The following LNX1 variants were observed in gnomAD, a reference collection of about 807,000 sequenced individuals.
LNX1 encodes E3 ubiquitin-protein ligase LNX.
In LNX1, 54 loss-of-function variants were observed where a neutral mutation model predicts 68.4. That is an observed-to-expected ratio of 0.79 (90% CI 0.63 to 0.99). The LOEUF is 0.99. Among genes scored for constraint, LNX1 ranks in the 50% least tolerant of loss-of-function variants. LNX1 has a pLI of 0.00. For missense variants in LNX1, 906 were observed against 926.4 expected (o/e 0.98, Z 0.29); for synonymous variants, 336 against 350.0 (o/e 0.96, Z 0.45).
intron 1 of LNX1, among the ~76,000 whole-genome samples, chr4:53,623,211 T>TTC (rs1733949679): frequency 1.3e-5 from 2 of 151,020 alleles, no homozygotes; most frequent in Non-Finnish European, 3.0e-5. Context: ...CAATTCTTTT[T>TTC]TTTTTTTTTT....
At chr4:53,641,971 A>G (rs1262288663) in intron 1 of LNX1, among the ~76,000 whole-genome samples, 2 of 152,118 alleles carry the variant, frequency 1.3e-5, no homozygotes, top group African/African-American at 2.4e-5. Flanking sequence ...ATTACCAAGA[A>G]ACCTGCCATG....
At chr4:53,534,474 AAAGAAAAAAT>A (rs1330221192) in intron 2 of LNX1, among the ~76,000 whole-genome samples, 2 of 152,228 alleles carry the variant, frequency 1.3e-5, no homozygotes, top group Middle Eastern at 3.4e-3. Context: ...TTGTCTCTAA[AAAGAAAAAAT>A]AAGAAAAAAT....
chr4:53,459,535 T>C lies in LNX1; in HGVS notation c.*1372A>G. On this transcript the variant is annotated 3_prime_UTR_variant, in exon 11 of 11. Transcript: ENST00000263925. ...TTTTCTGGATAATGTTTAAGAAATT[T>C]ACCTTAAATCTTGTTCTGTTTGTTA... The C allele has an allele frequency of 1.3e-6, 2 of 1,572,174 alleles. No homozygotes were observed. The highest frequency in any genetic ancestry group is 1.7e-6 in the Non-Finnish European group (2 of 1,146,716).
rs142810080 is a variant in LNX1 at position 53,585,998 on chromosome 4, A to G, written c.-87+5390T>C. On this transcript the variant is annotated intron_variant, in intron 1 of 10. Transcript: ENST00000263925. ...GAAATAGGGAAAAATATTTGGAGAC[A>G]GCAGCCACATAGATTGCTACATATT... Among the ~76,000 whole-genome samples the G allele has an allele frequency of 4.2e-3, 644 of 152,314 alleles. 5 individuals are homozygous for G. The highest frequency in any genetic ancestry group is 0.011 in the African/African-American group (472 of 41,564).
chr4:53,524,878 C>A (rs773954259), intron 2 of LNX1, among the ~76,000 whole-genome samples: 22 of 152,332 alleles, frequency 1.4e-4, no homozygotes, highest in South Asian at 8.3e-4. Flanking sequence ...AAAGCTCTGT[C>A]TGCTTGCCCA....
chr4:53,617,754 T>C (rs1733732992), upstream of LNX1, among the ~76,000 whole-genome samples: 1 of 152,234 alleles, frequency 6.6e-6, no homozygotes, highest in African/African-American at 2.4e-5. Context: ...AGAGATGTTA[T>C]TGACTAAACC....
chr4:53,486,851 C>T (rs1426696935), intron 6 of LNX1, among the ~76,000 whole-genome samples: 1 of 152,144 alleles, frequency 6.6e-6, no homozygotes, highest in Non-Finnish European at 1.5e-5. Flanking sequence ...CACTGGAGCA[C>T]ATGGCATCTT....
intron 2 of LNX1, among the ~76,000 whole-genome samples, chr4:53,520,203 C>T (rs555420196): frequency 6.6e-6 from 1 of 152,292 alleles, no homozygotes; most frequent in African/African-American, 2.4e-5. Flanking sequence ...CACAGCAACC[C>T]CTGCGGGTCC....
At chr4:53,629,679 C>T (rs1322263384) in intron 1 of LNX1, among the ~76,000 whole-genome samples, 2 of 152,134 alleles carry the variant, frequency 1.3e-5, no homozygotes, top group African/African-American at 2.4e-5. Flanking sequence ...GGAAAAAAGA[C>T]ACTCCTGCTC....
intron 2 of LNX1, among the ~76,000 whole-genome samples, chr4:53,556,352 C>G (rs1376538447): frequency 6.6e-6 from 1 of 152,170 alleles, no homozygotes; most frequent in Admixed American, 6.5e-5. Flanking sequence ...TTGCTGACAC[C>G]TTGATTCCAA....
intron 2 of LNX1, among the ~76,000 whole-genome samples, chr4:53,608,548 G>T (rs1180323507): frequency 6.6e-6 from 1 of 152,188 alleles, no homozygotes; most frequent in Non-Finnish European, 1.5e-5. Context: ...GTGGAAAGCA[G>T]TGTGGAGATT....
At chr4:53,574,141 T>C in intron 1 of LNX1, 53 bp from the exon 2 acceptor site, 3 of 1,304,346 alleles carry the variant, frequency 2.3e-6, no homozygotes, top group Non-Finnish European at 3.1e-6. Context: ...GAAAGGCTTA[T>C]GCTTATGGTA....
intron 2 of LNX1, among the ~76,000 whole-genome samples, chr4:53,567,853 G>T (rs1240552483): frequency 3.9e-5 from 6 of 152,022 alleles, no homozygotes; most frequent in Non-Finnish European, 4.4e-5. Flanking sequence ...TACCATCAGA[G>T]AATACTACAA....
chr4:53,641,684 C>T (rs1448491434), intron 1 of LNX1, among the ~76,000 whole-genome samples: 1 of 152,204 alleles, frequency 6.6e-6, no homozygotes, highest in Non-Finnish European at 1.5e-5. Context: ...CCCTCTCACT[C>T]CCCATTCACC....
At chr4:53,502,976 G>A (rs1053172606) in intron 4 of LNX1, among the ~76,000 whole-genome samples, 24 of 150,926 alleles carry the variant, frequency 1.6e-4, no homozygotes, top group African/African-American at 4.9e-4. Flanking sequence ...TGTTGCCCAG[G>A]CTGGAGTGCA....
chr4:53,548,869 T>C (rs959962199), intron 2 of LNX1, among the ~76,000 whole-genome samples: 4 of 152,194 alleles, frequency 2.6e-5, no homozygotes, highest in Non-Finnish European at 4.4e-5. Context: ...ATCATGTCTT[T>C]CACAGGAACA....
At chr4:53,607,466 G>A (rs2590801) in intron 2 of LNX1, among the ~76,000 whole-genome samples, 64,028 of 151,954 alleles carry the variant, frequency 0.42, 13,441 homozygotes, top group Admixed American at 0.45. Flanking sequence ...CAGAGATGAC[G>A]CAAACAAATG....
At chr4:53,472,685 C>CAAAA (rs1309297098) in intron 9 of LNX1, among the ~76,000 whole-genome samples, 28 of 74,752 alleles carry the variant, frequency 3.7e-4, no homozygotes, top group Middle Eastern at 8.2e-3. Context: ...ACAACAACAA[C>CAAAA]AAAAAAAAAA....
At chr4:53,474,543 C>A (rs1467885419) in intron 9 of LNX1, among the ~76,000 whole-genome samples, 1 of 152,108 alleles carries the variant, frequency 6.6e-6, no homozygotes, top group African/African-American at 2.4e-5. Context: ...TGGTGATCAC[C>A]TTTATTGAAT....
Sources: allele counts gnomAD v4.1 joint callset (sites outside exome capture counted in the v4.1 genomes callset), GRCh38; gene constraint gnomAD v4.1.1; transcripts MANE v1.5; gene names NCBI Gene and HGNC (gene_info 2026-07-23, HGNC 2026-07-21).